TTC23L: variants seen among roughly 807,000 people sequenced by gnomAD.
TTC23L encodes the protein tetratricopeptide repeat protein 23-like.
A neutral mutation model predicts 48.1 loss-of-function variants in TTC23L; 42 were observed. That is an observed-to-expected ratio of 0.87 (90% CI 0.68 to 1.13). The LOEUF (loss-of-function observed/expected upper bound fraction) is 1.13, where lower values mean the gene tolerates loss of function less well. Ranked by LOEUF, TTC23L falls within the 50% of genes most tolerant of loss-of-function variation. TTC23L has a pLI of 0.00. For missense variants in TTC23L, 391 were observed against 421.0 expected, an observed-to-expected ratio of 0.93 and a Z score of 0.62; for synonymous variants, 159 against 157.2, an observed-to-expected ratio of 1.01 and a Z score of -0.09.
At chr5:34,855,707 T>C (rs1035584940) in intron 4 of TTC23L, among the ~76,000 whole-genome samples, 1 of 152,172 alleles carries the variant, frequency 6.6e-6, no homozygotes, top group African/African-American at 2.4e-5. Context: ...ATGAGGAATC[T>C]CTATATCCTT....
rs548766353 is a variant in TTC23L, at chr5:34,873,263, A to T, written c.949+4250A>T. On this transcript the variant is annotated intron_variant, in intron 8 of 10. Transcript: ENST00000505624. ...AAACAGAATATGACTTTGTGAAGAG[A>T]TCTGTAAATCATATCCACACATACA... Among the ~76,000 whole-genome samples the T allele has an allele frequency of 6.6e-5, 10 of 152,344 alleles. No homozygotes were observed. The South Asian group carries it at 1.2e-3, about 19-fold the overall frequency.
intron 1 of TTC23L, chr5:34,839,552 C>G (rs888185389): frequency 1.2e-6 from 1 of 841,022 alleles, no homozygotes; most frequent in Non-Finnish European, 1.4e-6. Context: ...TTTGAGAGAT[C>G]AGAACTCTTT....
At chr5:34,866,793 G>T in intron 6 of TTC23L, 99 bp from the exon 7 acceptor site, 1 of 1,212,932 alleles carries the variant, frequency 8.2e-7, no homozygotes, top group Non-Finnish European at 1.1e-6. Context: ...TGATGGGCCT[G>T]TGAAGGCCAA....
Position 34,863,137 on chromosome 5 carries a change from G to A in TTC23L, c.536+83G>A. On this transcript the variant is annotated intron_variant, in intron 5 of 10. Coordinates refer to ENST00000505624, the Ensembl canonical transcript of TTC23L. The surrounding 1 kb of genome is among the most constrained non-coding windows in gnomAD (Gnocchi z 4.1). ...ATGGGTCATCTCATACAGGAGGGTG[G>A]GAGATGGAACCAAGGCCTTGTAGAT... The A allele has an allele frequency of 6.4e-7, 1 of 1,557,946 alleles. No homozygotes were observed. Among genetic ancestry groups the A allele is most frequent in the Non-Finnish European group, 8.7e-7 (1 of 1,143,336 alleles).
At chr5:34,897,705 T>C (rs1444052081) in intron 10 of TTC23L, among the ~76,000 whole-genome samples, 1 of 152,186 alleles carries the variant, frequency 6.6e-6, no homozygotes, top group African/African-American at 2.4e-5. Flanking sequence ...TTTTGGCAAA[T>C]AAAACCTTGC....
At chr5:34,925,007 T>C in the TTC23L span, 1 of 1,606,744 alleles carries the variant, frequency 6.2e-7, no homozygotes, top group South Asian at 1.1e-5. Context: ...TAGTCTTCAA[T>C]GTACCAGAAC....
At chr5:34,911,769 G>T in the TTC23L span, 2 of 1,614,124 alleles carry the variant, frequency 1.2e-6, no homozygotes, top group Non-Finnish European at 1.7e-6. Flanking sequence ...GCATCAAAGG[G>T]TAACCATAAC....
intron 6 of TTC23L, among the ~76,000 whole-genome samples, chr5:34,865,178 A>T (rs1448694095): frequency 6.6e-6 from 1 of 152,242 alleles, no homozygotes; most frequent in African/African-American, 2.4e-5. Context: ...CCATCAGATT[A>T]TTAGAAGAAA....
chr5:34,889,586 A>G (rs1000933679), intron 9 of TTC23L, among the ~76,000 whole-genome samples: 1 of 152,180 alleles, frequency 6.6e-6, no homozygotes, highest in African/African-American at 2.4e-5. Context: ...ATCATTACCC[A>G]GAGGAGGATG....
chr5:34,924,973 A>G, the TTC23L span: 1 of 1,612,860 alleles, frequency 6.2e-7, no homozygotes, highest in Non-Finnish European at 8.5e-7. Context: ...GTCACCAAAC[A>G]TGGTAAGCGG....
At chr5:34,915,991 G>T in the TTC23L span, 2 of 1,391,480 alleles carry the variant, frequency 1.4e-6, no homozygotes, top group Non-Finnish European at 1.9e-6. Flanking sequence ...CTTAATTTCA[G>T]AGTAGCCCGG....
downstream of TTC23L, among the ~76,000 whole-genome samples, chr5:34,901,047 A>G (rs1763496769): frequency 2.0e-5 from 3 of 152,300 alleles, no homozygotes; most frequent in East Asian, 5.8e-4. Flanking sequence ...TGTACTGTAT[A>G]TGTGTGTAAA....
chr5:34,860,127 G>A (rs888410556), intron 4 of TTC23L, among the ~76,000 whole-genome samples: 1 of 152,020 alleles, frequency 6.6e-6, no homozygotes, highest in Non-Finnish European at 1.5e-5. Flanking sequence ...GATTACAGGC[G>A]TGAGCCACTG....
At chr5:34,847,834 G>T (rs1164614346) in intron 3 of TTC23L, among the ~76,000 whole-genome samples, 2 of 152,128 alleles carry the variant, frequency 1.3e-5, no homozygotes, top group Non-Finnish European at 2.9e-5. Context: ...TTGAGCAGGG[G>T]GCAGGTAAAA....
intron 4 of TTC23L, among the ~76,000 whole-genome samples, chr5:34,859,566 G>A (rs536832726): frequency 8.6e-5 from 6 of 70,034 alleles, no homozygotes; most frequent in South Asian, 6.7e-4. Context: ...GATTAAGGCC[G>A]TTATAAAAGA....
At chr5:34,862,357 T>G (rs780319281) in intron 4 of TTC23L, among the ~76,000 whole-genome samples, 3 of 152,218 alleles carry the variant, frequency 2.0e-5, no homozygotes, top group Admixed American at 6.5e-5. Context: ...TAAGCCCTTG[T>G]ATTTATAGAA....
chr5:34,915,643 G>C, the TTC23L span: 1 of 1,416,398 alleles, frequency 7.1e-7, no homozygotes, highest in Non-Finnish European at 9.3e-7. Context: ...GACGACCGCG[G>C]AGCTGAGCGC....
chr5:34,925,061 C>A, the TTC23L span: 33 of 1,509,774 alleles, frequency 2.2e-5, no homozygotes, highest in Non-Finnish European at 2.8e-5. Context: ...TGTTTTATTA[C>A]CTGTGAAACT....
chr5:34,898,199 T>C (rs251638), intron 10 of TTC23L, among the ~76,000 whole-genome samples: 34,896 of 152,190 alleles, frequency 0.23, 4,630 homozygotes, highest in East Asian at 0.36. Flanking sequence ...AGCTGGTCTT[T>C]GACTTTATTA....
Sources: gnomAD v4.1 joint callset for allele counts (sites outside exome capture counted in the v4.1 genomes callset) on GRCh38, gnomAD v4.1.1 for gene constraint, Gnocchi (gnomAD v3.1) non-coding constraint, MANE v1.5 for transcripts, NCBI Gene and HGNC (gene_info 2026-07-23, HGNC 2026-07-21) for gene names.